The following RBFOX1 variants were observed in gnomAD, a reference collection of about 807,000 sequenced individuals.
RBFOX1 encodes RNA binding fox-1 homolog 1, also known as RNA binding protein fox-1 homolog 1.
RBFOX1 carries 8 observed loss-of-function variants against 57.7 expected under a neutral mutation model. The observed-to-expected ratio is 0.14, with a 90% CI of 0.08 to 0.25. The LOEUF (loss-of-function observed/expected upper bound fraction) is 0.25. RBFOX1 is among the 10% of genes least tolerant of loss of function. RBFOX1 has a pLI of 1.00. For missense variants in RBFOX1, 611 were observed against 548.5 expected (o/e 1.11, Z -1.14); for synonymous variants, 326 against 222.4 (o/e 1.47, Z -4.15).
intron 3 of RBFOX1, among the ~76,000 whole-genome samples, chr16:6,947,511 A>C (rs1181989809): frequency 6.6e-6 from 1 of 152,164 alleles, no homozygotes; most frequent in East Asian, 1.9e-4. Flanking sequence ...ATAGAGCGAA[A>C]AAGAGATGTG....
chr16:5,765,779 C>T (rs186893764), intron 3 of RBFOX1, among the ~76,000 whole-genome samples: 1 of 152,334 alleles, frequency 6.6e-6, no homozygotes, highest in African/African-American at 2.4e-5. Context: ...GATATGGGCT[C>T]TGGCTTTGCT....
At chr16:6,438,824 G>A (rs1044832392) in intron 2 of RBFOX1, among the ~76,000 whole-genome samples, 7 of 151,980 alleles carry the variant, frequency 4.6e-5, no homozygotes, top group Admixed American at 6.6e-5. Context: ...TGTTTTTTCT[G>A]TGTGTGCTCA....
chr16:7,504,803 T>TATATATA (rs2072648479), intron 4 of RBFOX1, among the ~76,000 whole-genome samples: 2 of 66,826 alleles, frequency 3.0e-5, no homozygotes, highest in African/African-American at 1.7e-4. Context: ...ATATATATAT[T>TATATATA]TATATATATA....
intron 7 of RBFOX1, 87 bp from the exon 8 acceptor site, chr16:7,595,462 G>T (rs932585844): frequency 1.9e-6 from 2 of 1,064,170 alleles, no homozygotes; most frequent in Non-Finnish European, 2.7e-6. Flanking sequence ...ACAAGAAATA[G>T]AAATTAAAGC....
chr16:6,024,896 G>A (rs1316435634), intron 1 of RBFOX1, among the ~76,000 whole-genome samples: 1 of 152,218 alleles, frequency 6.6e-6, no homozygotes, highest in African/African-American at 2.4e-5. Flanking sequence ...CAGATACCTT[G>A]TCCTAAAAGA....
chr16:7,019,859 G>A (rs2094117477), intron 3 of RBFOX1, among the ~76,000 whole-genome samples: 1 of 152,110 alleles, frequency 6.6e-6, no homozygotes, highest in African/African-American at 2.4e-5. Flanking sequence ...CCAATCTGTG[G>A]TCCAGCAATA....
chr16:6,052,835 A>ATAATAATAATAATAT (rs1420538281), intron 1 of RBFOX1, among the ~76,000 whole-genome samples: 2 of 148,718 alleles, frequency 1.3e-5, no homozygotes, highest in Non-Finnish European at 3.0e-5. Flanking sequence ...AATAATAATA[A>ATAATAATAATAATAT]TATTAATGCC....
At chr16:6,266,712 TA>T (rs112417452) in intron 1 of RBFOX1, among the ~76,000 whole-genome samples, 3,264 of 135,648 alleles carry the variant, frequency 0.024, 101 homozygotes, top group African/African-American at 0.069. Context: ...AGACTCTGTC[TA>T]AAAAAAAAAA....
intron 1 of RBFOX1, among the ~76,000 whole-genome samples, chr16:6,240,776 T>G (rs1203773750): frequency 6.6e-6 from 1 of 152,154 alleles, no homozygotes; most frequent in Non-Finnish European, 1.5e-5. Context: ...TTTGGACTTT[T>G]CTATTCCATT....
chr16:6,316,277 A>G (rs1047485156), intron 1 of RBFOX1, among the ~76,000 whole-genome samples: 1 of 152,168 alleles, frequency 6.6e-6, no homozygotes, highest in African/African-American at 2.4e-5. Context: ...ACTGAACTAT[A>G]GGAGATTATA....
At chr16:6,480,752 A>G (rs1238246225) in intron 2 of RBFOX1, among the ~76,000 whole-genome samples, 1 of 152,140 alleles carries the variant, frequency 6.6e-6, no homozygotes, top group East Asian at 1.9e-4. Flanking sequence ...TATCTCAGCA[A>G]TTTATTTTTG....
chr16:5,790,379 G>A (rs1038343759), intron 3 of RBFOX1, among the ~76,000 whole-genome samples: 2 of 152,158 alleles, frequency 1.3e-5, no homozygotes, highest in African/African-American at 2.4e-5. Flanking sequence ...AGACCGTACA[G>A]AGAAGGATGG....
At chr16:6,395,446 G>T (rs1390975827) in intron 2 of RBFOX1, among the ~76,000 whole-genome samples, 1 of 152,002 alleles carries the variant, frequency 6.6e-6, no homozygotes, top group African/African-American at 2.4e-5. Flanking sequence ...TAATGGCTCT[G>T]TAACTTTCTA....
intron 4 of RBFOX1, among the ~76,000 whole-genome samples, chr16:6,000,925 A>C (rs911090541): frequency 6.8e-6 from 1 of 147,556 alleles, no homozygotes; most frequent in African/African-American, 2.5e-5. Flanking sequence ...AGGTATTTAG[A>C]TGGATGGGTG....
At chr16:6,669,230 G>T (rs1336629715) in intron 3 of RBFOX1, among the ~76,000 whole-genome samples, 1 of 152,196 alleles carries the variant, frequency 6.6e-6, no homozygotes, top group South Asian at 2.1e-4. Context: ...AATAACAACA[G>T]AATTCAAGGG....
At chr16:6,589,878 C>T (rs1182784967) in intron 2 of RBFOX1, among the ~76,000 whole-genome samples, 3 of 152,176 alleles carry the variant, frequency 2.0e-5, no homozygotes, top group African/African-American at 4.8e-5. Context: ...TTCACTGTTT[C>T]GATTTCCTCA....
chr16:7,504,733 ATATATATATATATATATATATT>A (rs1396833291), intron 4 of RBFOX1, among the ~76,000 whole-genome samples: 1 of 7,614 alleles, frequency 1.3e-4, no homozygotes, highest in South Asian at 6.0e-3. Flanking sequence ...ATATATATAT[ATATATATATATATATATATATT>A]TATATATATA....
intron 1 of RBFOX1, among the ~76,000 whole-genome samples, chr16:6,164,829 G>A (rs1324004621): frequency 6.6e-6 from 1 of 152,056 alleles, no homozygotes; most frequent in Non-Finnish European, 1.5e-5. Flanking sequence ...CAAGAAGACT[G>A]TCGATGTACT....
chr16:6,497,286 C>T (rs1393729507), intron 2 of RBFOX1, among the ~76,000 whole-genome samples: 1 of 152,098 alleles, frequency 6.6e-6, no homozygotes, highest in Admixed American at 6.5e-5. Flanking sequence ...CTCAGGTGGG[C>T]ATTAGCTGGG....
Sources: allele counts gnomAD v4.1 joint callset (sites outside exome capture counted in the v4.1 genomes callset), GRCh38; gene constraint gnomAD v4.1.1; transcripts MANE v1.5; gene names NCBI Gene and HGNC (gene_info 2026-07-23, HGNC 2026-07-21).